EDIL3: variants seen among roughly 807,000 people sequenced by gnomAD.
EDIL3 encodes the protein EGF-like repeat and discoidin I-like domain-containing protein 3.
EDIL3 carries 37 observed loss-of-function variants against 67.4 expected under a neutral mutation model. That is an observed-to-expected ratio of 0.55 (90% confidence interval 0.42 to 0.72). The LOEUF is 0.72. Ranked by LOEUF, EDIL3 falls within the 30% of genes least tolerant of loss-of-function variation. The probability of loss-of-function intolerance (pLI) is 0.00; values close to 1 mark genes in which losing one functional copy is unlikely to be tolerated. For missense variants in EDIL3, 527 were observed against 586.3 expected, an observed-to-expected ratio of 0.90 and a Z score of 1.04; for synonymous variants, 195 against 196.3, an observed-to-expected ratio of 0.99 and a Z score of 0.05.
chr5:83,960,708 A>AAAAATAGC (rs1307355413), intron 10 of EDIL3, among the ~76,000 whole-genome samples: 2 of 151,040 alleles, frequency 1.3e-5, no homozygotes, highest in Non-Finnish European at 3.0e-5. Context: ...AAGCAATCAC[A>AAAAATAGC]AAAATAGCAA....
Position 84,214,408 on chromosome 5 carries a change from G to A in EDIL3, c.226+15447C>T, listed in dbSNP as rs144294306. 4.0e-3 allele frequency among the ~76,000 whole-genome samples: 594 copies of A among 148,704 alleles called. 2 individuals carry two copies. Among genetic ancestry groups the A allele is most frequent in the African/African-American group, 0.014 (548 of 40,102 alleles). ...AACCTATGTATAACCCCCGCCCCCC[G>A]CCACTTTACATCATCTCTAGGTTAC... is the stretch of plus-strand genomic sequence containing the variant. On this transcript the variant is annotated intron_variant, in intron 3 of 10. Transcript: ENST00000296591.
At chr5:84,285,648 T>C (rs1227669094) in intron 1 of EDIL3, among the ~76,000 whole-genome samples, 3 of 152,252 alleles carry the variant, frequency 2.0e-5, no homozygotes, top group African/African-American at 7.2e-5. Flanking sequence ...GATTATCTTA[T>C]GTCAGACTTG....
At chr5:84,363,344 G>A (rs942188585) in intron 1 of EDIL3, among the ~76,000 whole-genome samples, 2 of 151,818 alleles carry the variant, frequency 1.3e-5, no homozygotes, top group Non-Finnish European at 2.9e-5. Flanking sequence ...CAGCTACTCG[G>A]GAGGCTGAGG....
intron 1 of EDIL3, among the ~76,000 whole-genome samples, chr5:84,352,983 C>G (rs1747394142): frequency 6.6e-6 from 1 of 152,040 alleles, no homozygotes; most frequent in African/African-American, 2.4e-5. Flanking sequence ...GTTTTTGTAT[C>G]AGGCAGACAT....
chr5:84,141,952 G>GATCTATCTATCT (rs70975543), intron 4 of EDIL3, among the ~76,000 whole-genome samples: 12,305 of 108,086 alleles, frequency 0.11, 900 homozygotes, highest in Middle Eastern at 0.15. Flanking sequence ...TATATACATA[G>GATCTATCTATCT]ATCTATCTAT....
intron 1 of EDIL3, among the ~76,000 whole-genome samples, chr5:84,341,862 A>G (rs1385710831): frequency 2.0e-5 from 3 of 152,066 alleles, no homozygotes; most frequent in Non-Finnish European, 4.4e-5. Flanking sequence ...TTTAGCTAGG[A>G]GTATAATGCA....
At chr5:83,946,067 T>C (rs1744302665) in intron 10 of EDIL3, among the ~76,000 whole-genome samples, 1 of 151,992 alleles carries the variant, frequency 6.6e-6, no homozygotes, top group Non-Finnish European at 1.5e-5. Flanking sequence ...TGCAAAGGAA[T>C]GCAAACACAG....
At chr5:83,981,620 T>C (rs1033274094) in intron 9 of EDIL3, among the ~76,000 whole-genome samples, 28 of 152,020 alleles carry the variant, frequency 1.8e-4, no homozygotes, top group Non-Finnish European at 3.2e-4. Flanking sequence ...AAACACTAAA[T>C]CCGTGAATGC....
intron 1 of EDIL3, among the ~76,000 whole-genome samples, chr5:84,367,780 T>G (rs1202404911): frequency 1.3e-5 from 2 of 152,154 alleles, no homozygotes; most frequent in Non-Finnish European, 2.9e-5. Context: ...CGAGACTCTG[T>G]CTAAAAATTT....
At chr5:84,160,744 T>TTTCCTTTC (rs140316379) in intron 4 of EDIL3, among the ~76,000 whole-genome samples, 17 of 100,084 alleles carry the variant, frequency 1.7e-4, no homozygotes, top group African/African-American at 5.7e-4. Context: ...TCTTTTCTTT[T>TTTCCTTTC]CTTTCCTTTC....
chr5:84,018,825 C>A (rs906669168), intron 9 of EDIL3, among the ~76,000 whole-genome samples: 4 of 152,078 alleles, frequency 2.6e-5, no homozygotes, highest in Non-Finnish European at 5.9e-5. Flanking sequence ...CAGAGAAATG[C>A]AAATCAAAAC....
At chr5:83,967,557 G>A (rs1342139730) in intron 9 of EDIL3, among the ~76,000 whole-genome samples, 4 of 152,056 alleles carry the variant, frequency 2.6e-5, no homozygotes, top group Non-Finnish European at 5.9e-5. Flanking sequence ...GAGTTCTGTG[G>A]GAATATAAAC....
At chr5:84,142,824 C>T (rs957981968) in intron 4 of EDIL3, among the ~76,000 whole-genome samples, 21 of 145,580 alleles carry the variant, frequency 1.4e-4, no homozygotes, top group African/African-American at 5.2e-4. Flanking sequence ...ACGGTGCCCC[C>T]CCCCCCAAGC....
intron 3 of EDIL3, among the ~76,000 whole-genome samples, chr5:84,221,284 T>C (rs1389700643): frequency 6.6e-6 from 1 of 152,108 alleles, no homozygotes; most frequent in East Asian, 1.9e-4. Context: ...GGGGGCAAGA[T>C]GATAGATTAT....
chr5:84,114,635 G>A (rs763728418), intron 5 of EDIL3, among the ~76,000 whole-genome samples: 2 of 152,156 alleles, frequency 1.3e-5, no homozygotes. Flanking sequence ...TAGTAATTGA[G>A]AAATCCTTAA....
At chr5:84,088,310 G>T (rs1025874692) in intron 6 of EDIL3, among the ~76,000 whole-genome samples, 1 of 152,016 alleles carries the variant, frequency 6.6e-6, no homozygotes, top group South Asian at 2.1e-4. Context: ...CCAAATCCAG[G>T]CTAATGCATG....
At chr5:84,125,210 T>G (rs1281382770) in intron 5 of EDIL3, among the ~76,000 whole-genome samples, 2 of 151,984 alleles carry the variant, frequency 1.3e-5, no homozygotes, top group Admixed American at 1.3e-4. Context: ...AGAGGTAAAC[T>G]GAATGGGTCT....
intron 1 of EDIL3, among the ~76,000 whole-genome samples, chr5:84,349,923 AT>A (rs1415389602): frequency 2.0e-5 from 3 of 152,190 alleles, no homozygotes; most frequent in African/African-American, 7.2e-5. Flanking sequence ...CAAAAACTTT[AT>A]CAATATTAAC....
At chr5:84,268,137 C>CAGTA (rs1745387896) in intron 1 of EDIL3, among the ~76,000 whole-genome samples, 1 of 151,128 alleles carries the variant, frequency 6.6e-6, no homozygotes, top group South Asian at 2.1e-4. Context: ...ATCTCGTCTC[C>CAGTA]AATAAATAAA....
Sources: gnomAD v4.1 joint callset for allele counts (sites outside exome capture counted in the v4.1 genomes callset) on GRCh38, gnomAD v4.1.1 for gene constraint, MANE v1.5 for transcripts, NCBI Gene and HGNC (gene_info 2026-07-23, HGNC 2026-07-21) for gene names.